Variants in ZNF626 observed in about 807,000 individuals in gnomAD.
The protein encoded by ZNF626 is CTC-513N18.7.
ZNF626 carries 4 observed loss-of-function variants against 11.7 expected under a neutral mutation model. The observed-to-expected ratio is 0.34, with a 90% CI of 0.17 to 0.78. The LOEUF is 0.78. ZNF626 is among the 30% of genes least tolerant of loss of function. The pLI, the probability that ZNF626 is intolerant of heterozygous loss-of-function variation, is 0.57. For synonymous variants in ZNF626, 179 were observed against 198.6 expected (o/e 0.90, Z 0.83); for missense variants, 588 against 587.1 (o/e 1.00, Z -0.01).
rs565696851 is a variant in ZNF626, at chr19:20,621,607, T to C, written c.*2683A>G. 9 of 152,302 alleles carry C rather than the reference T, an allele frequency of 5.9e-5. No homozygotes were observed. Among genetic ancestry groups the C allele is most frequent in the Admixed American group, 4.6e-4 (7 of 15,290 alleles). The allele number at this position is 152,302 out of a possible 1,614,324, so 9.4% of individuals were successfully genotyped here. ...CCTAATGTAATTACTACATATTGTATGCCTGAATCAAAATATTCTCTATAA... is the reference window on the plus strand; with the variant it reads ...CCTAATGTAATTACTACATATTGTACGCCTGAATCAAAATATTCTCTATAA... On this transcript the variant is annotated 3_prime_UTR_variant, in exon 4 of 4. Coordinates refer to ENST00000601440, the MANE Select transcript of ZNF626 (RefSeq NM_001076675.3).
At chr19:20,656,620 T>C (rs1555773140) in intron 1 of ZNF626, among the ~76,000 whole-genome samples, 1 of 151,034 alleles carries the variant, frequency 6.6e-6, no homozygotes, top group African/African-American at 2.4e-5. Flanking sequence ...CATTAAAAAG[T>C]AGGCAAATAA....
At chr19:20,661,204 CAG>C (rs1303246261) in intron 1 of ZNF626, among the ~76,000 whole-genome samples, 13 of 152,322 alleles carry the variant, frequency 8.5e-5, no homozygotes, top group African/African-American at 2.6e-4. Flanking sequence ...CAGAGCTGCC[CAG>C]AGAGGGCTCC....
At chr19:20,633,592 G>A (rs1410603990) in intron 3 of ZNF626, among the ~76,000 whole-genome samples, 1 of 152,218 alleles carries the variant, frequency 6.6e-6, no homozygotes, top group Admixed American at 6.5e-5. Context: ...CTCTGAGCTG[G>A]GTGAGGGATA....
rs1358246966 is a variant in ZNF626 at position 20,621,790 on chromosome 19, T to C, written c.*2500A>G. 3 of 152,246 alleles carry C rather than the reference T, an allele frequency of 2.0e-5. No homozygotes were observed. In the East Asian group the frequency reaches 5.8e-4, roughly 29 times the overall value. 9.4% of individuals were successfully genotyped at this position (152,246 alleles called of 1,614,324 possible). ...CACTACATACCAAATAGTATACTTC[T>C]TCCATCTTTTGCTTACACCATTTGA... On this transcript the variant is annotated 3_prime_UTR_variant, in exon 4 of 4. Transcript: ENST00000601440.
intron 1 of ZNF626, among the ~76,000 whole-genome samples, chr19:20,648,389 T>TA (rs1970108122): frequency 3.3e-5 from 5 of 151,232 alleles, no homozygotes; most frequent in African/African-American, 1.2e-4. Context: ...TCTTTTTTTT[T>TA]TTTCTGAGAT....
chr19:20,652,208 T>A (rs567360548), intron 1 of ZNF626, among the ~76,000 whole-genome samples: 10 of 151,928 alleles, frequency 6.6e-5, no homozygotes, highest in South Asian at 6.2e-4. Flanking sequence ...TGGCTCTGCA[T>A]CCTTTGGTGT....
At chr19:20,637,236 C>A (rs1178378650) in intron 3 of ZNF626, among the ~76,000 whole-genome samples, 2 of 152,010 alleles carry the variant, frequency 1.3e-5, no homozygotes, top group African/African-American at 4.8e-5. Flanking sequence ...TGCCTGTAAG[C>A]CCAGTGCTTT....
At chr19:20,628,462 G>A in intron 3 of ZNF626, among the ~76,000 whole-genome samples, 1 of 152,084 alleles carries the variant, frequency 6.6e-6, no homozygotes, top group Admixed American at 6.6e-5. Context: ...ACTTTTTAAT[G>A]ATTGCCATTC....
Position 20,624,188 on chromosome 19 carries a change from GT to G in ZNF626, c.*101del, listed in dbSNP as rs782072814. 4.4e-6 allele frequency: 7 copies of G among 1,580,596 alleles called. No individual in the cohort carries two copies. Among genetic ancestry groups the G allele is most frequent in the Admixed American group, 1.7e-5 (1 of 59,630 alleles). ...TTGCCACATTCTTCACATCTGTAGG[GT>G]TTTTTTCCAGTATGAATTTTCTTAT... On this transcript the variant is annotated 3_prime_UTR_variant, in exon 4 of 4. Coordinates refer to ENST00000601440, the MANE Select transcript of ZNF626 (RefSeq NM_001076675.3).
chr19:20,648,906 AAGG>A (rs1234318091), intron 1 of ZNF626, among the ~76,000 whole-genome samples: 4 of 152,218 alleles, frequency 2.6e-5, no homozygotes, highest in Non-Finnish European at 5.9e-5. Context: ...TGCGGAGAAT[AAGG>A]AGAAGGCTCT....
At chr19:20,633,841 C>T (rs1251035382) in intron 3 of ZNF626, among the ~76,000 whole-genome samples, 1 of 152,176 alleles carries the variant, frequency 6.6e-6, no homozygotes, top group Non-Finnish European at 1.5e-5. Context: ...GAACCCAGTA[C>T]CCCAGTTGGA....
chr19:20,640,668 A>C lies in ZNF626; in HGVS notation c.226+5016T>G, dbSNP rs532374250. Among the ~76,000 whole-genome samples the C allele has an allele frequency of 3.7e-3, 563 of 151,650 alleles. 5 individuals are homozygous for C. The highest frequency in any genetic ancestry group is 0.013 in the African/African-American group (557 of 41,398). Reference sequence around the variant, plus strand: ...AGTTTATAGAGAAATGAAAAAAAAAAACACAATGACAAACAAAATCACCTC... The same window carrying C: ...AGTTTATAGAGAAATGAAAAAAAAACACACAATGACAAACAAAATCACCTC... On this transcript the variant is annotated intron_variant, in intron 3 of 3. Coordinates refer to ENST00000601440, the MANE Select transcript of ZNF626 (RefSeq NM_001076675.3).
chr19:20,631,906 T>A (rs566354244), intron 3 of ZNF626, among the ~76,000 whole-genome samples: 1 of 152,074 alleles, frequency 6.6e-6, no homozygotes, highest in South Asian at 2.1e-4. Flanking sequence ...CATTTTGGCA[T>A]GATTTTGCAG....
At chr19:20,641,008 C>T (rs563647084) in intron 3 of ZNF626, among the ~76,000 whole-genome samples, 8 of 151,844 alleles carry the variant, frequency 5.3e-5, no homozygotes, top group African/African-American at 1.4e-4. Context: ...TGGTCGTGGG[C>T]GCCTAAAATC....
At position 20,625,439 on chromosome 19, in the gene ZNF626, T is replaced by C. The variant is rs782015259; in HGVS notation, c.438A>G (p.Gln146=). The part of the protein sequence containing the change: ...CLTTTPRKIC[Q]CDKYVKVLHQ... ...GAAGGACTTTCACATATTTATCACA[T>C]TGACATATTTTTCTTGGGGTAGTTG... The change falls in exon 4 of 4, where the codon CAA becomes CAG. Residue 146 remains glutamine, a synonymous_variant. Transcript: ENST00000601440. 38 of 1,614,000 alleles carry C rather than the reference T, an allele frequency of 2.4e-5. No homozygotes were observed. The highest frequency in any genetic ancestry group is 5.5e-5 in the South Asian group (5 of 91,080).
chr19:20,626,106 C>CA (rs142194135), intron 3 of ZNF626, among the ~76,000 whole-genome samples: 118,712 of 151,854 alleles, frequency 0.78, 47,721 homozygotes, highest in Non-Finnish European at 0.87. Flanking sequence ...ACTAAAATTA[C>CA]AAAAAATTAG....
chr19:20,622,939 G>C lies in ZNF626; in HGVS notation c.*1351C>G, dbSNP rs1217988893. Reference sequence around the variant, plus strand: ...AAGTGTTTCCAAATTCATTACATTTGCAGGACCCTTCTCCAATATAAGTTC... The same window carrying C: ...AAGTGTTTCCAAATTCATTACATTTCCAGGACCCTTCTCCAATATAAGTTC... On this transcript the variant is annotated 3_prime_UTR_variant, in exon 4 of 4. Coordinates refer to ENST00000601440, the MANE Select transcript of ZNF626 (RefSeq NM_001076675.3). 2.7e-5 allele frequency: 4 copies of C among 149,802 alleles called. No homozygotes were observed. The highest frequency in any genetic ancestry group is 9.9e-5 in the African/African-American group (4 of 40,554). 9.3% of individuals were successfully genotyped at this position (149,802 alleles called of 1,614,324 possible).
intron 3 of ZNF626, among the ~76,000 whole-genome samples, chr19:20,631,836 G>T (rs1366413644): frequency 1.3e-5 from 2 of 151,716 alleles, no homozygotes; most frequent in African/African-American, 2.4e-5. Flanking sequence ...TCATTATGAT[G>T]TTAGCTGGTT....
At chr19:20,656,964 T>C (rs1044689838) in intron 1 of ZNF626, among the ~76,000 whole-genome samples, 21 of 152,136 alleles carry the variant, frequency 1.4e-4, no homozygotes, top group African/African-American at 5.1e-4. Flanking sequence ...CAAAGAAATA[T>C]AAATTATTAT....
Sources: allele counts gnomAD v4.1 joint callset (sites outside exome capture counted in the v4.1 genomes callset), GRCh38; gene constraint gnomAD v4.1.1; transcripts MANE v1.5; gene names NCBI Gene and HGNC (gene_info 2026-07-23, HGNC 2026-07-21).